Variants in PFKFB2 observed in about 807,000 individuals in gnomAD.
PFKFB2 encodes 6-phosphofructo-2-kinase/fructose-2,6-bisphosphatase 2.
In PFKFB2, 53 loss-of-function variants were observed where a neutral mutation model predicts 68.0. The observed-to-expected ratio is 0.78, with a 90% CI of 0.63 to 0.98. PFKFB2 has a LOEUF of 0.98. PFKFB2 is among the 50% of genes least tolerant of loss of function. The probability of loss-of-function intolerance (pLI) is 0.00; values close to 1 mark genes in which losing one functional copy is unlikely to be tolerated. For missense variants in PFKFB2, 451 were observed against 642.0 expected, an observed-to-expected ratio of 0.70 and a Z score of 3.22; for synonymous variants, 222 against 227.6, an observed-to-expected ratio of 0.98 and a Z score of 0.22.
chr1:207,050,892 A>G (rs1682728881), upstream of PFKFB2: 2 of 1,608,746 alleles, frequency 1.2e-6, no homozygotes, highest in East Asian at 2.2e-5. Context: ...CGGAGCCGCC[A>G]CATCGTGTCG....
In PFKFB2 at chr1:207,074,825, A is replaced by C; in HGVS notation, c.*2454A>C. 1.0e-6 allele frequency: 1 copy of C among 985,442 alleles called. No homozygotes were observed. The highest frequency in any genetic ancestry group is 4.7e-5 in the South Asian group (1 of 21,286). The allele number at this position is 985,442 out of a possible 1,614,324, so 61.0% of individuals were successfully genotyped here. A position where few individuals can be genotyped will look rare whatever the true frequency, so the allele number is the denominator to read the frequency against. Reference sequence around the variant, plus strand: ...CAATATAGCAACAGTCTGAGTCTAGAAGTGTTCAACCATCACATCGCTTCT... The same window carrying C: ...CAATATAGCAACAGTCTGAGTCTAGCAGTGTTCAACCATCACATCGCTTCT... On this transcript the variant is annotated 3_prime_UTR_variant, in exon 15 of 15. Coordinates refer to ENST00000367080, the MANE Select transcript of PFKFB2 (RefSeq NM_006212.2).
chr1:207,046,211 T>C (rs962043692), intron 2 of PFKFB2: 4 of 152,142 alleles, frequency 2.6e-5, no homozygotes, highest in Admixed American at 6.5e-5. Context: ...AATTCCTCTA[T>C]GGCAGGCAAA....
rs1468234163 is a variant in PFKFB2, at chr1:207,070,293, T to TGA, written c.1107_1108insAG (p.Val370ArgfsTer45). 4 of 1,613,286 alleles carry TGA rather than the reference T, an allele frequency of 2.5e-6. No individual in the cohort carries two copies. The highest frequency in any genetic ancestry group is 3.4e-6 in the Non-Finnish European group (4 of 1,179,956). ...TTCCCTCCACAGTCATACCAGGACC[T>TGA]GGTGCAGCGGCTGGAGCCTGTCATC... is the stretch of plus-strand genomic sequence containing the variant. On this transcript the variant is annotated frameshift_variant, in exon 12 of 15. Transcript: ENST00000367080. LOFTEE classifies it high-confidence loss of function. This position sits in a 1 kb window ranked among gnomAD's most constrained non-coding sequence, Gnocchi z 4.2.
chr1:207,036,523 T>C (rs1035135911), intron 1 of PFKFB2, among the ~76,000 whole-genome samples: 1 of 152,216 alleles, frequency 6.6e-6, no homozygotes, highest in African/African-American at 2.4e-5. Context: ...ACTCTTTTTC[T>C]CTCTCCATAA....
At chr1:207,060,390 A>G (rs889082675) in intron 2 of PFKFB2, among the ~76,000 whole-genome samples, 6 of 152,122 alleles carry the variant, frequency 3.9e-5, no homozygotes, top group Admixed American at 1.3e-4. Context: ...ATGCTTCTCA[A>G]TTGTCTTGCT....
intron 2 of PFKFB2, chr1:207,045,992 A>C (rs1459109628): frequency 6.6e-6 from 1 of 152,058 alleles, no homozygotes; most frequent in African/African-American, 2.4e-5. Flanking sequence ...GAACACACTA[A>C]TGTCTTCACT....
In PFKFB2 at chr1:207,070,565, A is replaced by G; in HGVS notation, c.1222+156A>G. 1.4e-6 allele frequency: 1 copy of G among 735,478 alleles called. No homozygotes were observed. Among genetic ancestry groups the G allele is most frequent in the Middle Eastern group, 4.0e-4 (1 of 2,476 alleles). 45.6% of individuals were successfully genotyped at this position (735,478 alleles called of 1,614,324 possible). Reference sequence around the variant, plus strand: ...TGGGGCTCCCAGCAGCCACTGAGTCAATGACTTGCTGAGTTCACTCTGCTG... The same window carrying G: ...TGGGGCTCCCAGCAGCCACTGAGTCGATGACTTGCTGAGTTCACTCTGCTG... On this transcript the variant is annotated intron_variant, in intron 12 of 14. Coordinates refer to ENST00000367080, the MANE Select transcript of PFKFB2 (RefSeq NM_006212.2). The surrounding 1 kb of genome is among the most constrained non-coding windows in gnomAD (Gnocchi z 4.2).
Position 207,070,253 on chromosome 1 carries a change from G to A in PFKFB2, c.1093-27G>A. 6.2e-7 allele frequency: 1 copy of A among 1,611,434 alleles called. No individual in the cohort carries two copies. Among genetic ancestry groups the A allele is most frequent in the South Asian group, 1.1e-5 (1 of 90,896 alleles). On this transcript the variant is annotated intron_variant, in intron 11 of 14. Transcript: ENST00000367080. This position sits in a 1 kb window ranked among gnomAD's most constrained non-coding sequence, Gnocchi z 4.2. Reference sequence around the variant, plus strand: ...GCTGCCAGCTTGCACCTGGGCTCCTGCCAGCCTGCCCCATTTCCCTCCACA... The same window carrying A: ...GCTGCCAGCTTGCACCTGGGCTCCTACCAGCCTGCCCCATTTCCCTCCACA...
upstream of PFKFB2, chr1:207,049,781 T>C (rs547466177): frequency 1.1e-5 from 17 of 1,486,472 alleles, no homozygotes; most frequent in Middle Eastern, 1.8e-4. Flanking sequence ...AACCGAGTGT[T>C]CTCTAGCCAA....
intron 14 of PFKFB2, among the ~76,000 whole-genome samples, 199 bp from the exon 15 acceptor site, chr1:207,072,005 A>G (rs945219926): frequency 4.6e-5 from 7 of 152,102 alleles, no homozygotes; most frequent in Non-Finnish European, 8.8e-5. Context: ...CTGCTTTGGA[A>G]TGTTATGCTC....
At chr1:207,050,637 C>A (rs1301506054), upstream of PFKFB2, 8 of 1,603,358 alleles carry the variant, frequency 5.0e-6, no homozygotes, top group Admixed American at 1.8e-5. Context: ...CTCTCTCACG[C>A]CCCTCTCCAT....
In PFKFB2 at chr1:207,070,438, C is replaced by T. The variant is rs758624907; in HGVS notation, c.1222+29C>T. On this transcript the variant is annotated intron_variant, in intron 12 of 14. Transcript: ENST00000367080. This position sits in a 1 kb window ranked among gnomAD's most constrained non-coding sequence, Gnocchi z 4.2. The stretch of plus-strand genomic sequence containing the variant: ...CCTTTGAGGGAGGGGCTGGGAGACA[C>T]ATCCAGTGGGAGAGGGCTGGACTTG... The T allele has an allele frequency of 6.2e-7, 1 of 1,610,014 alleles. No individual in the cohort carries two copies. Among genetic ancestry groups the T allele is most frequent in the Non-Finnish European group, 8.5e-7 (1 of 1,177,622 alleles).
At chr1:207,037,197 T>A (rs928675846) in intron 1 of PFKFB2, among the ~76,000 whole-genome samples, 16 of 152,212 alleles carry the variant, frequency 1.1e-4, no homozygotes, top group African/African-American at 3.9e-4. Context: ...CTTCTCTATC[T>A]TGTCTTTCTA....
chr1:207,051,065 C>A (rs950743300), upstream of PFKFB2: 13 of 1,467,128 alleles, frequency 8.9e-6, no homozygotes, highest in African/African-American at 1.6e-4. Context: ...GTTATCGCGA[C>A]GCTTCGGTGC....
rs1683204820 is a variant in PFKFB2, at chr1:207,063,944, AAG to A, written c.507+121_507+122del. 1.3e-6 allele frequency: 1 copy of A among 745,914 alleles called. No individual in the cohort carries two copies. The highest frequency in any genetic ancestry group is 2.4e-6 in the Non-Finnish European group (1 of 421,458). The allele number at this position is 745,914 out of a possible 1,614,324, so 46.2% of individuals were successfully genotyped here. ...TTGGGGAGGGGTGTTTTCGTAATGA[AAG>A]AGAGAAATAGACATGTTTAACATCA... On this transcript the variant is annotated intron_variant, in intron 7 of 14. Transcript: ENST00000367080. The surrounding 1 kb of genome is among the most constrained non-coding windows in gnomAD (Gnocchi z 4.1).
chr1:207,060,242 C>G (rs910104640), intron 2 of PFKFB2, among the ~76,000 whole-genome samples: 1 of 152,246 alleles, frequency 6.6e-6, no homozygotes, highest in African/African-American at 2.4e-5. Flanking sequence ...GTACCCTTGA[C>G]TCATTATGTG....
At position 207,063,010 on chromosome 1, in the gene PFKFB2, C is replaced by A; in HGVS notation, c.309-133C>A. The A allele has an allele frequency of 1.3e-6, 1 of 786,318 alleles. No individual in the cohort carries two copies. The highest frequency in any genetic ancestry group is 2.2e-6 in the Non-Finnish European group (1 of 455,486). 48.7% of individuals were successfully genotyped at this position (786,318 alleles called of 1,614,324 possible). A position where few individuals can be genotyped will look rare whatever the true frequency, so the allele number is the denominator to read the frequency against. On this transcript the variant is annotated intron_variant, in intron 4 of 14. Transcript: ENST00000367080. The surrounding 1 kb of genome is among the most constrained non-coding windows in gnomAD (Gnocchi z 4.1). ...ACCCTCAGTGAGAAAGTTGAAAGAT[C>A]TAGTTAGAGAAAGGTTTTGAACAGT...
chr1:207,049,095 C>A, upstream of PFKFB2: 1 of 1,613,978 alleles, frequency 6.2e-7, no homozygotes, highest in South Asian at 1.1e-5. Flanking sequence ...TTAATCCTTT[C>A]TGACATACCA....
At chr1:207,066,409 T>C (rs532323458) in intron 8 of PFKFB2, among the ~76,000 whole-genome samples, 1 of 152,368 alleles carries the variant, frequency 6.6e-6, no homozygotes, top group South Asian at 2.1e-4. Flanking sequence ...GTTTAATGTT[T>C]TGAGCCTTTC....
Sources: allele counts gnomAD v4.1 joint callset (sites outside exome capture counted in the v4.1 genomes callset), GRCh38; gene constraint gnomAD v4.1.1; non-coding constraint Gnocchi (gnomAD v3.1); transcripts MANE v1.5; gene names NCBI Gene and HGNC (gene_info 2026-07-23, HGNC 2026-07-21).